The following CPEB3 variants were observed in gnomAD, a reference collection of about 807,000 sequenced individuals.
The protein encoded by CPEB3 is cytoplasmic polyadenylation element binding protein 3.
In CPEB3, 20 loss-of-function variants were observed where a neutral mutation model predicts 67.2. The observed-to-expected ratio is 0.30, with a 90% CI of 0.21 to 0.43. The LOEUF (loss-of-function observed/expected upper bound fraction) is 0.43, where lower values mean the gene tolerates loss of function less well. Ranked by LOEUF, CPEB3 falls within the 20% of genes least tolerant of loss-of-function variation. CPEB3 has a pLI of 1.00. For missense variants in CPEB3, 746 were observed against 968.6 expected (o/e 0.77, Z 3.05); for synonymous variants, 376 against 393.1 (o/e 0.96, Z 0.51).
intron 6 of CPEB3, among the ~76,000 whole-genome samples, chr10:92,139,783 A>C (rs1329624178): frequency 6.6e-6 from 1 of 152,128 alleles, no homozygotes; most frequent in African/African-American, 2.4e-5. Context: ...TGCCTATATC[A>C]AAATATCTCA....
At chr10:92,148,942 C>T (rs1337494894) in intron 4 of CPEB3, among the ~76,000 whole-genome samples, 4 of 150,478 alleles carry the variant, frequency 2.7e-5, no homozygotes, top group South Asian at 2.1e-4. Context: ...GCTCTGTCAC[C>T]CAAGCTGAAG....
At chr10:92,217,149 G>A (rs1157055429) in intron 2 of CPEB3, among the ~76,000 whole-genome samples, 1 of 134,854 alleles carries the variant, frequency 7.4e-6, no homozygotes, top group African/African-American at 2.9e-5. Context: ...CGGAGGTTAC[G>A]GTCAGCCAAG....
rs993409712 is a variant in CPEB3, at chr10:92,050,158, A to C, written c.*2054T>G. 14 of 152,472 alleles carry C rather than the reference A, an allele frequency of 9.2e-5. No homozygotes were observed. Among genetic ancestry groups the C allele is most frequent in the African/African-American group, 3.1e-4 (13 of 41,432 alleles). 9.4% of individuals were successfully genotyped at this position (152,472 alleles called of 1,614,324 possible). A position where few individuals can be genotyped will look rare whatever the true frequency, so the allele number is the denominator to read the frequency against. On this transcript the variant is annotated 3_prime_UTR_variant, in exon 10 of 10. Transcript: ENST00000265997. Reference sequence around the variant, plus strand: ...AAATTTCTTGTACAGATGAAAAAAAACCCACAAACATAGAAAAAAACAAAC... The same window carrying C: ...AAATTTCTTGTACAGATGAAAAAAACCCCACAAACATAGAAAAAAACAAAC...
rs1266057741 is a variant in CPEB3 at position 92,234,105 on chromosome 10, C to CAA, written c.1005+5239_1005+5240dup. 3.8e-3 allele frequency among the ~76,000 whole-genome samples: 313 copies of CAA among 81,582 alleles called. 1 individual carries two copies. Among genetic ancestry groups the CAA allele is most frequent in the Non-Finnish European group, 4.4e-3 (196 of 44,152 alleles). The allele number at this position is 81,582 out of a possible 152,430, so 53.5% of individuals were successfully genotyped here. On this transcript the variant is annotated intron_variant, in intron 2 of 9. Transcript: ENST00000265997. ...TGGGGAACAGAGTGAGACTTTGTCT[C>CAA]AAAAAAAAAAAAAAAAAAAGGAGAA...
chr10:92,252,089 A>C (rs1852327199), intron 1 of CPEB3, among the ~76,000 whole-genome samples: 1 of 152,170 alleles, frequency 6.6e-6, no homozygotes, highest in African/African-American at 2.4e-5. Context: ...GAATATATAA[A>C]GGACTCCTAC....
At chr10:92,057,885 T>C (rs1842172982) in intron 9 of CPEB3, among the ~76,000 whole-genome samples, 1 of 152,238 alleles carries the variant, frequency 6.6e-6, no homozygotes. Context: ...ACAGCATTAC[T>C]GGGCATGGGT....
intron 4 of CPEB3, among the ~76,000 whole-genome samples, chr10:92,158,172 G>C (rs1283835946): frequency 6.6e-6 from 1 of 151,960 alleles, no homozygotes; most frequent in Non-Finnish European, 1.5e-5. Context: ...TGTATTCTTG[G>C]AACTATTCAA....
rs77587067 is a variant in CPEB3 at position 92,119,106 on chromosome 10, C to G, written c.1454-7912G>C. On this transcript the variant is annotated intron_variant, in intron 6 of 9. Coordinates refer to ENST00000265997, the MANE Select transcript of CPEB3 (RefSeq NM_014912.5). ...CTGAAGATTCCCCAGCTATACCAGT[C>G]TGGAGTGGCTGTCCTGGTTCTTACT... 30 of 1,585,832 alleles carry G rather than the reference C, an allele frequency of 1.9e-5. No homozygotes were observed. In the East Asian group the frequency reaches 6.5e-4, roughly 34 times the overall value.
chr10:92,119,181 G>A lies in CPEB3; in HGVS notation c.1454-7987C>T. 2.5e-6 allele frequency: 4 copies of A among 1,582,710 alleles called. No individual in the cohort carries two copies. The Admixed American group carries it at 6.7e-5, about 26-fold the overall frequency. ...GCCATATGAAGAACGGAGGTTCCCA[G>A]CATCATATTCCTACACATTATTACA... On this transcript the variant is annotated intron_variant, in intron 6 of 9. Transcript: ENST00000265997.
intron 3 of CPEB3, among the ~76,000 whole-genome samples, chr10:92,184,553 C>T (rs1490776564): frequency 2.6e-5 from 4 of 151,972 alleles, no homozygotes; most frequent in Non-Finnish European, 4.4e-5. Flanking sequence ...TGCAGTGAGC[C>T]GAGATCGTGT....
At chr10:92,231,656 T>C (rs1851273068) in intron 2 of CPEB3, among the ~76,000 whole-genome samples, 1 of 152,188 alleles carries the variant, frequency 6.6e-6, no homozygotes, top group South Asian at 2.1e-4. Flanking sequence ...TCCACTACTG[T>C]ATGCTCCCCT....
chr10:92,250,992 A>G (rs1852277427), intron 1 of CPEB3, among the ~76,000 whole-genome samples: 1 of 149,970 alleles, frequency 6.7e-6, no homozygotes, highest in Non-Finnish European at 1.5e-5. Context: ...CAGCCTCCCA[A>G]AGTGCTAGGA....
chr10:92,253,750 T>G (rs1345607400), intron 1 of CPEB3, among the ~76,000 whole-genome samples: 2 of 151,252 alleles, frequency 1.3e-5, no homozygotes, highest in African/African-American at 2.4e-5. Flanking sequence ...TCAAAAAAAT[T>G]TATTAAAGTT....
chr10:92,237,815 C>A (rs1452919844), intron 2 of CPEB3, among the ~76,000 whole-genome samples: 1 of 152,094 alleles, frequency 6.6e-6, no homozygotes, highest in Non-Finnish European at 1.5e-5. Flanking sequence ...GAAATGAATC[C>A]CACCTTGCAA....
At chr10:92,098,813 G>A (rs1440831831) in intron 7 of CPEB3, among the ~76,000 whole-genome samples, 2 of 131,548 alleles carry the variant, frequency 1.5e-5, no homozygotes, top group East Asian at 2.2e-4. Flanking sequence ...GCTCTGTCAA[G>A]CAGGCTGGAG....
intron 1 of CPEB3, among the ~76,000 whole-genome samples, chr10:92,254,651 C>G (rs1292303955): frequency 6.6e-6 from 1 of 151,904 alleles, no homozygotes; most frequent in African/African-American, 2.4e-5. Context: ...GACCTTGTCT[C>G]TAACATTTTT....
intron 6 of CPEB3, among the ~76,000 whole-genome samples, chr10:92,135,083 C>A (rs2133756075): frequency 6.6e-6 from 1 of 152,234 alleles, no homozygotes; most frequent in East Asian, 1.9e-4. Context: ...CTAGGAAATA[C>A]CATTCAGGAC....
intron 1 of CPEB3, 30 bp from the exon 2 acceptor site, chr10:92,240,391 T>C (rs748984942): frequency 2.8e-6 from 4 of 1,437,104 alleles, no homozygotes; most frequent in Middle Eastern, 1.9e-4. Context: ...AGACGCGTTA[T>C]TGTCAATGTG....
chr10:92,137,549 G>A (rs1013259628), intron 6 of CPEB3: 14 of 769,304 alleles, frequency 1.8e-5, no homozygotes, highest in Admixed American at 3.5e-5. Flanking sequence ...GACCCCATTT[G>A]GATTCCTGTC....
Sources: allele counts gnomAD v4.1 joint callset (sites outside exome capture counted in the v4.1 genomes callset), GRCh38; gene constraint gnomAD v4.1.1; transcripts MANE v1.5; gene names NCBI Gene and HGNC (gene_info 2026-07-23, HGNC 2026-07-21).